The following TMTC2 variants were observed in gnomAD, a reference collection of about 807,000 sequenced individuals.
TMTC2 encodes the protein protein O-mannosyl-transferase TMTC2.
In TMTC2, 43 loss-of-function variants were observed where a neutral mutation model predicts 82.4. The ratio of observed to expected loss-of-function variants is 0.52; its 90% CI spans 0.41 to 0.67. TMTC2 has a LOEUF of 0.67. Ranked by LOEUF, TMTC2 falls within the 30% of genes least tolerant of loss-of-function variation. The probability of loss-of-function intolerance (pLI) is 0.00; values close to 1 mark genes in which losing one functional copy is unlikely to be tolerated. For synonymous variants in TMTC2, 408 were observed against 381.9 expected, an observed-to-expected ratio of 1.07 and a Z score of -0.80; for missense variants, 919 against 1,012.4, an observed-to-expected ratio of 0.91 and a Z score of 1.25.
intron 9 of TMTC2, among the ~76,000 whole-genome samples, chr12:83,041,430 T>C (rs1483990905): frequency 6.6e-6 from 1 of 152,196 alleles, no homozygotes; most frequent in East Asian, 1.9e-4. Context: ...TTATTTACGG[T>C]TTTATAAAGT....
At position 82,859,398 on chromosome 12, in the gene TMTC2, T is replaced by C. The variant is rs117074599; in HGVS notation, c.654+1818T>C. ...CTTTTACAGAATTTCCATCTTACCATCTCATAAGTTAGGGAATTATTTGGC... is the reference window on the plus strand; with the variant it reads ...CTTTTACAGAATTTCCATCTTACCACCTCATAAGTTAGGGAATTATTTGGC... On this transcript the variant is annotated intron_variant, in intron 2 of 11. Coordinates refer to ENST00000321196, the MANE Select transcript of TMTC2 (RefSeq NM_152588.3). Among the ~76,000 whole-genome samples the C allele has an allele frequency of 8.5e-5, 13 of 152,268 alleles. No individual in the cohort carries two copies. In the East Asian group the frequency reaches 2.5e-3, roughly 29 times the overall value.
intron 2 of TMTC2, among the ~76,000 whole-genome samples, chr12:82,862,186 C>A (rs984400380): frequency 6.6e-6 from 1 of 152,126 alleles, no homozygotes; most frequent in African/African-American, 2.4e-5. Flanking sequence ...CTTAGCCTTG[C>A]AAATACATAC....
intron 3 of TMTC2, among the ~76,000 whole-genome samples, chr12:82,916,390 A>C (rs945069646): frequency 6.6e-6 from 1 of 152,242 alleles, no homozygotes; most frequent in Non-Finnish European, 1.5e-5. Flanking sequence ...GAAACTGTGT[A>C]GAGCACATTG....
At chr12:83,071,931 A>G (rs529698564) in intron 11 of TMTC2, among the ~76,000 whole-genome samples, 60 of 152,014 alleles carry the variant, frequency 3.9e-4, no homozygotes, top group African/African-American at 1.2e-3. Flanking sequence ...AGGTCTATCA[A>G]TTGTATTTAT....
At chr12:82,820,470 G>A (rs746934793) in intron 1 of TMTC2, among the ~76,000 whole-genome samples, 4 of 151,720 alleles carry the variant, frequency 2.6e-5, no homozygotes, top group African/African-American at 9.7e-5. Context: ...CACCTCCTGG[G>A]TTCAAGCGAT....
At chr12:82,837,383 T>C (rs1291551390) in intron 1 of TMTC2, among the ~76,000 whole-genome samples, 1 of 152,094 alleles carries the variant, frequency 6.6e-6, no homozygotes, top group Non-Finnish European at 1.5e-5. Flanking sequence ...TGAGGCTGGA[T>C]GATCCCTGGA....
intron 8 of TMTC2, among the ~76,000 whole-genome samples, chr12:83,010,266 G>A (rs925231061): frequency 1.3e-5 from 2 of 152,066 alleles, no homozygotes; most frequent in Admixed American, 6.5e-5. Flanking sequence ...CATAGAGATT[G>A]ACCCTCCCAT....
At chr12:82,965,840 TG>T in intron 6 of TMTC2, 96 bp downstream of exon 6, 1 of 1,315,790 alleles carries the variant, frequency 7.6e-7, no homozygotes. Context: ...CTATGTCCTT[TG>T]AACAACTAAT....
intron 8 of TMTC2, among the ~76,000 whole-genome samples, chr12:83,012,608 T>C (rs1379725326): frequency 6.6e-6 from 1 of 152,140 alleles, no homozygotes; most frequent in Non-Finnish European, 1.5e-5. Flanking sequence ...AATATAGGCA[T>C]GAAAAAACAC....
At chr12:82,691,663 C>G (rs1872585323) in intron 1 of TMTC2, among the ~76,000 whole-genome samples, 1 of 152,110 alleles carries the variant, frequency 6.6e-6, no homozygotes, top group Non-Finnish European at 1.5e-5. Flanking sequence ...AATAATCACT[C>G]TGTTAACTTA....
chr12:82,886,295 C>T (rs537495567), intron 2 of TMTC2, among the ~76,000 whole-genome samples: 4 of 152,058 alleles, frequency 2.6e-5, no homozygotes, highest in Non-Finnish European at 5.9e-5. Flanking sequence ...CCAAGGAGCC[C>T]TGATACACTT....
intron 11 of TMTC2, among the ~76,000 whole-genome samples, chr12:83,083,472 A>G (rs968725609): frequency 6.6e-6 from 1 of 152,092 alleles, no homozygotes; most frequent in Non-Finnish European, 1.5e-5. Context: ...CCTGGTGCTT[A>G]TTCCCATCTA....
At chr12:82,734,560 A>T (rs975933280) in intron 1 of TMTC2, among the ~76,000 whole-genome samples, 3 of 152,166 alleles carry the variant, frequency 2.0e-5, no homozygotes, top group Non-Finnish European at 4.4e-5. Flanking sequence ...TTCCTTTTGA[A>T]GGGTTCATAG....
intron 11 of TMTC2, among the ~76,000 whole-genome samples, chr12:83,089,734 G>C (rs1253327294): frequency 6.6e-6 from 1 of 151,724 alleles, no homozygotes; most frequent in East Asian, 1.9e-4. Context: ...GATTCTCAAA[G>C]CTCCAAATGT....
At chr12:83,129,039 A>G (rs1885181554) in intron 11 of TMTC2, among the ~76,000 whole-genome samples, 1 of 152,190 alleles carries the variant, frequency 6.6e-6, no homozygotes, top group African/African-American at 2.4e-5. Context: ...TATAAATTTC[A>G]TGTTTCCTTC....
chr12:83,087,944 C>A (rs1362946774), intron 11 of TMTC2, among the ~76,000 whole-genome samples: 2 of 152,220 alleles, frequency 1.3e-5, no homozygotes, highest in Admixed American at 6.5e-5. Flanking sequence ...TGAAGCCAGG[C>A]AGTGACTTCT....
intron 8 of TMTC2, among the ~76,000 whole-genome samples, chr12:83,007,500 A>G (rs1023184214): frequency 6.6e-6 from 1 of 152,192 alleles, no homozygotes; most frequent in Non-Finnish European, 1.5e-5. Flanking sequence ...TATACTAAGT[A>G]TACCTTTAAG....
intron 8 of TMTC2, among the ~76,000 whole-genome samples, chr12:82,989,476 A>G (rs954766124): frequency 2.8e-4 from 42 of 152,074 alleles, no homozygotes; most frequent in African/African-American, 9.2e-4. Flanking sequence ...TAAGTATTAA[A>G]TTAATATACC....
intron 11 of TMTC2, among the ~76,000 whole-genome samples, chr12:83,112,255 C>T (rs778013101): frequency 1.2e-4 from 18 of 152,022 alleles, no homozygotes; most frequent in Admixed American, 1.2e-3. Flanking sequence ...CCATTGCTTC[C>T]TCTCCCCTCC....
Sources: gnomAD v4.1 joint callset for allele counts (sites outside exome capture counted in the v4.1 genomes callset) on GRCh38, gnomAD v4.1.1 for gene constraint, MANE v1.5 for transcripts, NCBI Gene and HGNC (gene_info 2026-07-23, HGNC 2026-07-21) for gene names.